Variants in INPP4B observed in about 807,000 individuals in gnomAD.
INPP4B encodes the protein inositol polyphosphate 4-phosphatase type II.
In INPP4B, 55 loss-of-function variants were observed where a neutral mutation model predicts 122.5. That is an observed-to-expected ratio of 0.45 (90% confidence interval 0.36 to 0.56). The LOEUF (loss-of-function observed/expected upper bound fraction) is 0.56, where lower values mean the gene tolerates loss of function less well. Ranked by LOEUF, INPP4B falls within the 20% of genes least tolerant of loss-of-function variation. The probability of loss-of-function intolerance (pLI) is 0.00; values close to 1 mark genes in which losing one functional copy is unlikely to be tolerated. For missense variants in INPP4B, 1,000 were observed against 1,097.7 expected, an observed-to-expected ratio of 0.91 and a Z score of 1.26; for synonymous variants, 403 against 388.7, an observed-to-expected ratio of 1.04 and a Z score of -0.43.
intron 2 of INPP4B, among the ~76,000 whole-genome samples, chr4:142,583,134 G>A (rs1475094426): frequency 1.3e-5 from 2 of 151,948 alleles, no homozygotes; most frequent in African/African-American, 2.4e-5. Flanking sequence ...TACACCCAGG[G>A]ATCAAATAAA....
intron 9 of INPP4B, among the ~76,000 whole-genome samples, chr4:142,282,084 C>T (rs187607554): frequency 7.2e-4 from 109 of 152,100 alleles, no homozygotes; most frequent in South Asian, 2.9e-3. Flanking sequence ...ATGACAAGTG[C>T]CATGGAGAAA....
At chr4:142,458,732 A>G (rs1350033337) in intron 3 of INPP4B, among the ~76,000 whole-genome samples, 1 of 152,188 alleles carries the variant, frequency 6.6e-6, no homozygotes, top group Non-Finnish European at 1.5e-5. Flanking sequence ...ATACACTTCA[A>G]TTTGATCTGA....
At chr4:142,681,354 C>A (rs1758590471) in intron 2 of INPP4B, among the ~76,000 whole-genome samples, 1 of 151,780 alleles carries the variant, frequency 6.6e-6, no homozygotes, top group South Asian at 2.1e-4. Context: ...CTGTTCAGAG[C>A]AAGTGATTCC....
intron 2 of INPP4B, among the ~76,000 whole-genome samples, chr4:142,631,411 G>T (rs759993490): frequency 2.0e-4 from 30 of 152,076 alleles, no homozygotes; most frequent in Non-Finnish European, 2.9e-4. Flanking sequence ...GAGGTAAAAG[G>T]ATAAAAATGC....
chr4:142,329,971 A>G (rs1773841266), intron 7 of INPP4B, among the ~76,000 whole-genome samples: 2 of 152,186 alleles, frequency 1.3e-5, no homozygotes, highest in Admixed American at 6.5e-5. Context: ...CTAACTTAAA[A>G]CATGAGGAAA....
chr4:142,733,975 A>G (rs1442956054), intron 1 of INPP4B, among the ~76,000 whole-genome samples: 1 of 152,252 alleles, frequency 6.6e-6, no homozygotes, highest in Non-Finnish European at 1.5e-5. Flanking sequence ...TAAAGAAAGA[A>G]GTCACATGGA....
At chr4:142,046,773 T>C (rs930152722) in intron 25 of INPP4B, among the ~76,000 whole-genome samples, 2 of 151,894 alleles carry the variant, frequency 1.3e-5, no homozygotes, top group African/African-American at 2.4e-5. Flanking sequence ...GATTGGAAGA[T>C]AAAGGACTGG....
At chr4:142,456,015 A>G (rs1815340436) in intron 3 of INPP4B, among the ~76,000 whole-genome samples, 1 of 151,590 alleles carries the variant, frequency 6.6e-6, no homozygotes, top group Non-Finnish European at 1.5e-5. Context: ...TTTTTTTTCT[A>G]TAGAGTTGTT....
chr4:142,532,779 T>G (rs1275105239), intron 2 of INPP4B, among the ~76,000 whole-genome samples: 1 of 152,212 alleles, frequency 6.6e-6, no homozygotes, highest in Non-Finnish European at 1.5e-5. Flanking sequence ...CATGTAGATA[T>G]TTAAATTATA....
chr4:142,254,413 G>A (rs1234324867), intron 11 of INPP4B, among the ~76,000 whole-genome samples: 4 of 144,704 alleles, frequency 2.8e-5, no homozygotes, highest in Admixed American at 1.4e-4. Context: ...TCCGAGCTAC[G>A]GGAGGACATT....
At chr4:142,673,527 T>C (rs1309214465) in intron 2 of INPP4B, among the ~76,000 whole-genome samples, 1 of 152,244 alleles carries the variant, frequency 6.6e-6, no homozygotes, top group Middle Eastern at 3.4e-3. Context: ...GGGTATTTCC[T>C]TGTACTCTCC....
intron 14 of INPP4B, among the ~76,000 whole-genome samples, chr4:142,201,249 T>C (rs1840494876): frequency 6.6e-6 from 1 of 152,068 alleles, no homozygotes; most frequent in Non-Finnish European, 1.5e-5. Flanking sequence ...TCTCCAGCTA[T>C]GGGTATGTTA....
At chr4:142,572,618 G>A (rs561048827) in intron 2 of INPP4B, among the ~76,000 whole-genome samples, 1 of 152,158 alleles carries the variant, frequency 6.6e-6, no homozygotes, top group South Asian at 2.1e-4. Flanking sequence ...TTAGTGATCC[G>A]AGATTTTTCA....
intron 25 of INPP4B, among the ~76,000 whole-genome samples, chr4:142,035,138 G>A (rs115593782): frequency 0.019 from 2,856 of 152,252 alleles, 41 homozygotes; most frequent in Non-Finnish European, 0.033. Context: ...ACATCAGCAC[G>A]AGGAGGCAGG....
chr4:142,240,702 C>T (rs985045051), intron 11 of INPP4B, among the ~76,000 whole-genome samples: 4 of 152,056 alleles, frequency 2.6e-5, no homozygotes, highest in African/African-American at 9.7e-5. Context: ...CCCAGTTTGA[C>T]CCAGCAGTGT....
intron 2 of INPP4B, among the ~76,000 whole-genome samples, chr4:142,614,377 G>A (rs1483652305): frequency 1.3e-5 from 2 of 152,042 alleles, no homozygotes; most frequent in Non-Finnish European, 2.9e-5. Context: ...CTATCTCTCA[G>A]TATATAAAAA....
intron 2 of INPP4B, among the ~76,000 whole-genome samples, chr4:142,656,627 T>A (rs1004408784): frequency 6.6e-6 from 1 of 152,142 alleles, no homozygotes. Context: ...AGTCTTCCCC[T>A]TCCTTGGCCA....
intron 5 of INPP4B, chr4:142,423,790 C>G (rs531504510): frequency 2.3e-6 from 1 of 434,358 alleles, no homozygotes; most frequent in African/African-American, 2.1e-5. Flanking sequence ...CAAGTGGTGG[C>G]TTACAGAGTG....
chr4:142,639,948 A>G (rs1341555273), intron 2 of INPP4B, among the ~76,000 whole-genome samples: 5 of 152,128 alleles, frequency 3.3e-5, no homozygotes, highest in Non-Finnish European at 5.9e-5. Context: ...TGGTACTACT[A>G]CTTCTAGATG....
Sources: allele counts gnomAD v4.1 joint callset (sites outside exome capture counted in the v4.1 genomes callset), GRCh38; gene constraint gnomAD v4.1.1; transcripts MANE v1.5; gene names NCBI Gene and HGNC (gene_info 2026-07-23, HGNC 2026-07-21).